The following TM2D1 variants were observed in gnomAD, a reference collection of about 807,000 sequenced individuals.
TM2D1 encodes TM2 domain containing 1.
TM2D1 carries 15 observed loss-of-function variants against 28.4 expected under a neutral mutation model. The observed-to-expected ratio is 0.53, with a 90% CI of 0.35 to 0.81. The LOEUF is 0.81. TM2D1 is among the 40% of genes least tolerant of loss of function. The pLI is 0.01. For synonymous variants in TM2D1, 93 were observed against 96.2 expected (o/e 0.97, Z 0.20); for missense variants, 236 against 254.9 (o/e 0.93, Z 0.50).
chr1:61,714,405 C>T (rs1030996317), intron 2 of TM2D1, among the ~76,000 whole-genome samples: 19 of 151,842 alleles, frequency 1.3e-4, no homozygotes, highest in African/African-American at 4.6e-4. Flanking sequence ...GCCGGGCATG[C>T]TGGCCTGTGC....
intron 5 of TM2D1, chr1:61,686,995 C>T: frequency 1.0e-6 from 1 of 984,542 alleles, no homozygotes; most frequent in Non-Finnish European, 1.2e-6. Flanking sequence ...TCCATTTGTC[C>T]ATAGGCAACA....
intron 5 of TM2D1, among the ~76,000 whole-genome samples, chr1:61,691,327 C>G (rs1429276930): frequency 6.6e-6 from 1 of 151,604 alleles, no homozygotes; most frequent in Non-Finnish European, 1.5e-5. Flanking sequence ...GAAACCCTAT[C>G]TCTACTAAAA....
At chr1:61,688,053 A>G (rs1405799294) in intron 5 of TM2D1, among the ~76,000 whole-genome samples, 1 of 152,238 alleles carries the variant, frequency 6.6e-6, no homozygotes, top group Non-Finnish European at 1.5e-5. Flanking sequence ...ACAGTGCCAG[A>G]ATTTATGCAT....
At chr1:61,703,416 T>G in intron 3 of TM2D1, among the ~76,000 whole-genome samples, 1 of 144,572 alleles carries the variant, frequency 6.9e-6, no homozygotes, top group Non-Finnish European at 1.5e-5. Flanking sequence ...TCACATAATT[T>G]TTTTTTTTTT....
rs1352721060 is a variant in TM2D1, at chr1:61,692,692, TCTC to T, written c.513+2002_513+2004del. On this transcript the variant is annotated intron_variant, in intron 5 of 6. Transcript: ENST00000606498. ...GAGAGGATCGCTTAAGCCCAGGAAT[TCTC>T]CTCTAAAACTGATGATGTCAACATC... Among the ~76,000 whole-genome samples, 6 of 151,360 alleles carry T rather than the reference TCTC, an allele frequency of 4.0e-5. No individual in the cohort carries two copies. The South Asian group carries it at 1.3e-3, about 32-fold the overall frequency.
intron 2 of TM2D1, among the ~76,000 whole-genome samples, chr1:61,711,263 G>C (rs1032202490): frequency 1.3e-5 from 2 of 151,342 alleles, no homozygotes; most frequent in African/African-American, 4.9e-5. Context: ...CTGGGAGATG[G>C]AGGTTGCAGT....
At chr1:61,691,604 T>G (rs1042665487) in intron 5 of TM2D1, among the ~76,000 whole-genome samples, 1 of 150,942 alleles carries the variant, frequency 6.6e-6, no homozygotes, top group African/African-American at 2.4e-5. Flanking sequence ...ATCTAATCTA[T>G]CCTTCATGAC....
intron 1 of TM2D1, 30 bp downstream of exon 1, chr1:61,724,927 C>T (rs771135994): frequency 1.9e-4 from 302 of 1,558,710 alleles, no homozygotes; most frequent in Middle Eastern, 6.9e-4. Context: ...TACCTCGCCT[C>T]CATGGGGGGG....
chr1:61,703,105 A>G (rs1453000143), intron 3 of TM2D1, among the ~76,000 whole-genome samples: 1 of 151,736 alleles, frequency 6.6e-6, no homozygotes, highest in Non-Finnish European at 1.5e-5. Context: ...GACTGTCTCC[A>G]AAAAACAGAA....
At chr1:61,717,285 G>C (rs1046691729) in intron 2 of TM2D1, among the ~76,000 whole-genome samples, 1 of 151,618 alleles carries the variant, frequency 6.6e-6, no homozygotes, top group Non-Finnish European at 1.5e-5. Context: ...GGATAATGGC[G>C]TGAACCTGGG....
intron 5 of TM2D1, among the ~76,000 whole-genome samples, chr1:61,689,134 T>C (rs985482189): frequency 3.4e-4 from 51 of 152,210 alleles, no homozygotes; most frequent in African/African-American, 1.2e-3. Context: ...TGGTAGTAGA[T>C]TTATGGCAAT....
At chr1:61,701,960 G>T (rs1264142445) in intron 3 of TM2D1, among the ~76,000 whole-genome samples, 1 of 152,122 alleles carries the variant, frequency 6.6e-6, no homozygotes, top group Middle Eastern at 3.2e-3. Flanking sequence ...GGAGGCCGAG[G>T]CAGGTGGATC....
intron 3 of TM2D1, among the ~76,000 whole-genome samples, chr1:61,707,111 C>T (rs936560724): frequency 2.6e-5 from 4 of 152,094 alleles, no homozygotes; most frequent in Non-Finnish European, 4.4e-5. Context: ...AAAAATTAGC[C>T]GAGCTTTGGG....
intron 2 of TM2D1, among the ~76,000 whole-genome samples, chr1:61,711,792 T>C (rs1644481153): frequency 6.6e-6 from 1 of 152,246 alleles, no homozygotes; most frequent in Non-Finnish European, 1.5e-5. Flanking sequence ...TCTTGGATCA[T>C]GCTTTTGATT....
rs1237272877 is a variant in TM2D1 at position 61,709,383 on chromosome 1, G to A, written c.293C>T (p.Thr98Ile). 3.7e-6 allele frequency: 6 copies of A among 1,602,120 alleles called. No homozygotes were observed. The highest frequency in any genetic ancestry group is 5.1e-6 in the Non-Finnish European group (6 of 1,172,208). Reference sequence around the variant, plus strand: ...ACCAACTTCGTTCCCAGTAAAATGTGTTTCATTGCCACTGGAATCCTTACA... The same window carrying A: ...ACCAACTTCGTTCCCAGTAAAATGTATTTCATTGCCACTGGAATCCTTACA... ...ITCKDSSGNE[T>I]HFTGNEVGFF... Residue 98 changes from threonine to isoleucine, a missense_variant, in exon 3 of 7, where the codon ACA (threonine) becomes ATA (isoleucine). Around this residue, in one of 3 missense-constraint regions of TM2D1, gnomAD observed 167 missense variants for 162.7 expected, o/e 1.03. Coordinates refer to ENST00000606498, the MANE Select transcript of TM2D1 (RefSeq NM_032027.3).
intron 3 of TM2D1, among the ~76,000 whole-genome samples, chr1:61,706,536 C>T (rs114339022): frequency 0.061 from 9,073 of 149,888 alleles, 346 homozygotes; most frequent in East Asian, 0.14. Context: ...AGACCAGGCG[C>T]GGTGGCTCAC....
intron 2 of TM2D1, among the ~76,000 whole-genome samples, chr1:61,722,691 C>A (rs1253565942): frequency 1.3e-5 from 2 of 152,168 alleles, no homozygotes; most frequent in Non-Finnish European, 2.9e-5. Context: ...TGTAAGTAAT[C>A]CTTTCCTTTG....
chr1:61,715,110 T>C (rs1295098513), intron 2 of TM2D1, among the ~76,000 whole-genome samples: 1 of 152,060 alleles, frequency 6.6e-6, no homozygotes, highest in African/African-American at 2.4e-5. Flanking sequence ...GGGATGAAAA[T>C]TATATACTTG....
rs1268911528 is a variant in TM2D1, at chr1:61,700,974, C to T, written c.399G>A (p.Trp133Ter). ...VAVALSLFLG[W>*]LGADRFYLGY... Reference sequence around the variant, plus strand: ...CAAGGTAAAATCGATCTGCTCCCAACCATCCAAGAAAAAGAGACAATGCGA... The same window carrying T: ...CAAGGTAAAATCGATCTGCTCCCAATCATCCAAGAAAAAGAGACAATGCGA... Residue 133 changes from tryptophan to a stop codon, truncating the protein, a stop_gained, in exon 4 of 7, where the codon TGG becomes TGA. Coordinates refer to ENST00000606498, the MANE Select transcript of TM2D1 (RefSeq NM_032027.3). LOFTEE classifies it high-confidence loss of function. The T allele has an allele frequency of 1.9e-6, 3 of 1,611,520 alleles. No homozygotes were observed. Among genetic ancestry groups the T allele is most frequent in the African/African-American group, 1.3e-5 (1 of 74,690 alleles).
Sources: gnomAD v4.1 joint callset for allele counts (sites outside exome capture counted in the v4.1 genomes callset) on GRCh38, gnomAD v4.1.1 for gene constraint, gnomAD v4.1.1 regional missense constraint, MANE v1.5 for transcripts, NCBI Gene and HGNC (gene_info 2026-07-23, HGNC 2026-07-21) for gene names.